Variants in PDE11A observed in about 807,000 individuals in gnomAD.
PDE11A encodes dual 3',5'-cyclic-AMP and -GMP phosphodiesterase 11A.
In PDE11A, 100 loss-of-function variants were observed where a neutral mutation model predicts 100.5. The ratio of observed to expected loss-of-function variants is 1.00; its 90% CI spans 0.85 to 1.18. The LOEUF (loss-of-function observed/expected upper bound fraction) is 1.18. PDE11A is among the 50% of genes most tolerant of loss of function. The pLI is 0.00. For synonymous variants in PDE11A, 381 were observed against 420.8 expected, an observed-to-expected ratio of 0.91 and a Z score of 1.16; for missense variants, 1,141 against 1,152.6, an observed-to-expected ratio of 0.99 and a Z score of 0.15.
At chr2:177,688,226 T>A (rs1012491026) in intron 15 of PDE11A, 2 of 152,254 alleles carry the variant, frequency 1.3e-5, no homozygotes, top group African/African-American at 4.8e-5. Context: ...GTTCTTTCCA[T>A]CATCAATAAG....
At chr2:177,833,055 A>G (rs2083336734) in intron 6 of PDE11A, among the ~76,000 whole-genome samples, 1 of 152,262 alleles carries the variant, frequency 6.6e-6, no homozygotes, top group Non-Finnish European at 1.5e-5. Flanking sequence ...AACTTGCCAC[A>G]GTCTCTTCTT....
At chr2:177,945,546 C>T (rs1398319481) in intron 2 of PDE11A, among the ~76,000 whole-genome samples, 1 of 150,218 alleles carries the variant, frequency 6.7e-6, no homozygotes, top group African/African-American at 2.4e-5. Flanking sequence ...CTCTGCCCAG[C>T]CGCCCCGTCT....
At chr2:177,980,347 T>G (rs2085865986) in intron 2 of PDE11A, among the ~76,000 whole-genome samples, 1 of 151,072 alleles carries the variant, frequency 6.6e-6, no homozygotes, top group African/African-American at 2.4e-5. Flanking sequence ...CGTAATTCTT[T>G]TTTAACTGCA....
intron 19 of PDE11A, among the ~76,000 whole-genome samples, chr2:177,632,637 T>C (rs2079969721): frequency 6.6e-6 from 1 of 152,190 alleles, no homozygotes; most frequent in African/African-American, 2.4e-5. Context: ...CCTTGTACTC[T>C]CTGACTTCTT....
chr2:177,924,559 A>G (rs2085099479), intron 2 of PDE11A, among the ~76,000 whole-genome samples: 2 of 152,174 alleles, frequency 1.3e-5, no homozygotes, highest in South Asian at 4.1e-4. Flanking sequence ...GAACTCCTTG[A>G]TATCAGAGTC....
rs944884782 is a variant in PDE11A at position 177,696,652 on chromosome 2, AC to A, written c.2345+679del. Among the ~76,000 whole-genome samples the A allele has an allele frequency of 1.6e-4, 12 of 72,938 alleles. No homozygotes were observed. In the Admixed American group the frequency reaches 1.9e-3, roughly 11 times the overall value. The allele number at this position is 72,938 out of a possible 152,430, so 47.9% of individuals were successfully genotyped here. On this transcript the variant is annotated intron_variant, in intron 15 of 19. Transcript: ENST00000286063. ...GTGCTCTGTTTATTTAAAAAGGTAG[AC>A]AGTAAAAGAAAGGTAAATAAAAAAG...
intron 4 of PDE11A, among the ~76,000 whole-genome samples, chr2:177,884,558 G>T (rs1237660970): frequency 6.6e-6 from 1 of 152,146 alleles, no homozygotes; most frequent in Admixed American, 6.6e-5. Context: ...TGAAGTAAAG[G>T]ATAGAGCAAG....
Position 177,626,954 on chromosome 2 carries a change from T to G in PDE11A, c.*2453A>C, listed in dbSNP as rs1455276867. 1 of 150,772 alleles carries G rather than the reference T, an allele frequency of 6.6e-6. No individual in the cohort carries two copies. The highest frequency in any genetic ancestry group is 2.4e-5 in the African/African-American group (1 of 41,020). 9.3% of individuals were successfully genotyped at this position (150,772 alleles called of 1,614,324 possible). A position where few individuals can be genotyped will look rare whatever the true frequency, so the allele number is the denominator to read the frequency against. On this transcript the variant is annotated 3_prime_UTR_variant, in exon 20 of 20. Transcript: ENST00000286063. ...CACCTGTCTCGGTCCCTGTCTTTCC[T>G]TTACTGGTGTTCTTACGTTTCTTTT...
intron 9 of PDE11A, among the ~76,000 whole-genome samples, chr2:177,792,776 A>G (rs2082651306): frequency 6.6e-6 from 1 of 152,346 alleles, no homozygotes; most frequent in Non-Finnish European, 1.5e-5. Context: ...AATCACATCA[A>G]TGCAGTCTGG....
At chr2:177,814,070 G>T (rs1411461331) in intron 9 of PDE11A, among the ~76,000 whole-genome samples, 1 of 152,006 alleles carries the variant, frequency 6.6e-6, no homozygotes, top group Non-Finnish European at 1.5e-5. Flanking sequence ...AATGATAGAA[G>T]GGTAACATGG....
At chr2:178,076,717 G>A (rs1292148516), upstream of PDE11A, among the ~76,000 whole-genome samples, 2 of 152,240 alleles carry the variant, frequency 1.3e-5, no homozygotes, top group African/African-American at 4.8e-5. Context: ...TGAAAACTTA[G>A]TTACTTAAAA....
At chr2:177,725,034 TG>T (rs1423794177) in intron 12 of PDE11A, among the ~76,000 whole-genome samples, 1 of 152,074 alleles carries the variant, frequency 6.6e-6, no homozygotes, top group African/African-American at 2.4e-5. Context: ...ATGAGATCAC[TG>T]GAATGGAATT....
chr2:178,007,652 T>C (rs1462511432), intron 2 of PDE11A, among the ~76,000 whole-genome samples: 2 of 152,170 alleles, frequency 1.3e-5, no homozygotes, highest in Non-Finnish European at 2.9e-5. Flanking sequence ...TGCCAGGACT[T>C]TTAAAACCTT....
chr2:177,819,009 C>T (rs542286434), intron 7 of PDE11A, among the ~76,000 whole-genome samples: 20 of 152,018 alleles, frequency 1.3e-4, no homozygotes, highest in African/African-American at 4.1e-4. Flanking sequence ...AGGCAAACTA[C>T]GGTTCTAATT....
intron 2 of PDE11A, among the ~76,000 whole-genome samples, chr2:178,096,395 G>C (rs528596685): frequency 6.7e-6 from 1 of 149,378 alleles, no homozygotes; most frequent in Admixed American, 6.7e-5. Flanking sequence ...GGATGGTCTC[G>C]ATCTCCTGAC....
chr2:177,949,944 A>G (rs562658883), intron 2 of PDE11A, among the ~76,000 whole-genome samples: 2 of 152,308 alleles, frequency 1.3e-5, no homozygotes, highest in East Asian at 3.9e-4. Context: ...TCCTCTTTTC[A>G]TATTAATTCT....
chr2:177,699,609 T>C (rs113710487), intron 14 of PDE11A, among the ~76,000 whole-genome samples: 2,599 of 152,128 alleles, frequency 0.017, 66 homozygotes, highest in African/African-American at 0.059. Flanking sequence ...TTTAGGGAGG[T>C]GGTGAGTGTG....
intron 2 of PDE11A, among the ~76,000 whole-genome samples, chr2:177,946,101 G>A (rs188827128): frequency 0.32 from 26,576 of 81,878 alleles, 5,911 homozygotes; most frequent in East Asian, 0.51. Flanking sequence ...GGATGGAGGT[G>A]GGGGGGGGTC....
chr2:177,799,414 G>A (rs2082753332), intron 9 of PDE11A, among the ~76,000 whole-genome samples: 1 of 152,156 alleles, frequency 6.6e-6, no homozygotes, highest in South Asian at 2.1e-4. Flanking sequence ...GGAACTCTCT[G>A]TACTATCTTC....
Sources: gnomAD v4.1 joint callset for allele counts (sites outside exome capture counted in the v4.1 genomes callset) on GRCh38, gnomAD v4.1.1 for gene constraint, MANE v1.5 for transcripts, NCBI Gene and HGNC (gene_info 2026-07-23, HGNC 2026-07-21) for gene names.